The following UQCRH variants were observed in gnomAD, a reference collection of about 807,000 sequenced individuals.
UQCRH encodes cytochrome b-c1 complex subunit 6, mitochondrial.
Under a neutral mutation model 16.3 loss-of-function variants are expected in UQCRH, and 14 were observed. That is an observed-to-expected ratio of 0.86 (90% CI 0.57 to 1.34). The LOEUF (loss-of-function observed/expected upper bound fraction) is 1.34, where lower values mean the gene tolerates loss of function less well. UQCRH is among the 40% of genes most tolerant of loss of function. UQCRH has a pLI of 0.00. For synonymous variants in UQCRH, 41 were observed against 41.9 expected (o/e 0.98, Z 0.08); for missense variants, 89 against 111.9 (o/e 0.80, Z 0.92).
At chr1:46,311,818 C>T (rs1178724789) in intron 3 of UQCRH, among the ~76,000 whole-genome samples, 9 of 151,248 alleles carry the variant, frequency 6.0e-5, no homozygotes, top group African/African-American at 1.9e-4. Context: ...TTAGTAGAGA[C>T]GGGGTTTCAC....
Position 46,305,716 on chromosome 1 carries a change from A to C in UQCRH, c.54+1896A>C, listed in dbSNP as rs369070810. Among the ~76,000 whole-genome samples the C allele has an allele frequency of 4.0e-5, 6 of 150,316 alleles. No homozygotes were observed. In the East Asian group the frequency reaches 1.2e-3, roughly 30 times the overall value. On this transcript the variant is annotated intron_variant, in intron 1 of 3. Transcript: ENST00000311672. The stretch of plus-strand genomic sequence containing the variant: ...CAGTGAGCCAAGGTCGCGCCACTGC[A>C]CTCCAGCCTGGGCGACAGAGCGAGA...
chr1:46,316,072 C>G (rs893920386), intron 3 of UQCRH, among the ~76,000 whole-genome samples: 1 of 152,112 alleles, frequency 6.6e-6, no homozygotes, highest in African/African-American at 2.4e-5. Flanking sequence ...GCCCCGCCTC[C>G]CATTTATTTT....
intron 2 of UQCRH, 176 bp downstream of exon 2, chr1:46,309,303 T>G: frequency 1.4e-6 from 1 of 706,432 alleles, no homozygotes; most frequent in Non-Finnish European, 2.3e-6. Flanking sequence ...GGAAGCTGAG[T>G]CTGTTCTGGG....
intron 3 of UQCRH, among the ~76,000 whole-genome samples, chr1:46,314,791 TACCTAGAATAGCAGTC>T (rs1483166381): frequency 1.3e-5 from 2 of 152,010 alleles, no homozygotes; most frequent in African/African-American, 4.8e-5. Context: ...TTTGGTGAGG[TACCTAGAATAGCAGTC>T]ACATTCATAG....
At chr1:46,315,220 G>A (rs537851667) in intron 3 of UQCRH, among the ~76,000 whole-genome samples, 29 of 152,290 alleles carry the variant, frequency 1.9e-4, no homozygotes, top group African/African-American at 7.0e-4. Context: ...TGAGGCACGT[G>A]GATCACCTGA....
intron 3 of UQCRH, among the ~76,000 whole-genome samples, chr1:46,312,229 G>A (rs1260688271): frequency 1.3e-5 from 2 of 151,786 alleles, no homozygotes; most frequent in East Asian, 3.9e-4. Flanking sequence ...CCAAGTAACT[G>A]GGATTAAAGG....
chr1:46,313,410 T>C (rs1661517801), intron 3 of UQCRH, among the ~76,000 whole-genome samples: 1 of 151,602 alleles, frequency 6.6e-6, no homozygotes, highest in African/African-American at 2.4e-5. Context: ...GGGTGGATCA[T>C]GAGGTCAGGA....
chr1:46,316,266 T>C (rs1661581937), intron 3 of UQCRH, among the ~76,000 whole-genome samples: 1 of 152,192 alleles, frequency 6.6e-6, no homozygotes, highest in East Asian at 1.9e-4. Flanking sequence ...ATGTCACTGA[T>C]GGGGAGGTAC....
intron 1 of UQCRH, 89 bp from the exon 2 acceptor site, chr1:46,309,010 CAG>C: frequency 7.3e-7 from 1 of 1,377,510 alleles, no homozygotes; most frequent in East Asian, 2.3e-5. Context: ...TTAATAGTGT[CAG>C]TGTCTATCGT....
chr1:46,313,680 G>GATAGATAGAT (rs1557726186), intron 3 of UQCRH, among the ~76,000 whole-genome samples: 2 of 149,468 alleles, frequency 1.3e-5, no homozygotes. Flanking sequence ...TAGATAGATA[G>GATAGATAGAT]ATAGATATAG....
In UQCRH at chr1:46,303,739, C is replaced by T; in HGVS notation, c.-28C>T. The T allele has an allele frequency of 6.2e-7, 1 of 1,614,084 alleles. No individual in the cohort carries two copies. The highest frequency in any genetic ancestry group is 8.5e-7 in the Non-Finnish European group (1 of 1,179,972). Reference sequence around the variant, plus strand: ...TGGGTTAGGTGCCGCTGTTGCTGCTCGTGTTGAATCTAGAACCGTAGCCAG... The same window carrying T: ...TGGGTTAGGTGCCGCTGTTGCTGCTTGTGTTGAATCTAGAACCGTAGCCAG... On this transcript the variant is annotated 5_prime_UTR_variant, in exon 1 of 4. Transcript: ENST00000311672.
intron 1 of UQCRH, among the ~76,000 whole-genome samples, chr1:46,306,427 G>A (rs1213541740): frequency 1.4e-5 from 2 of 139,328 alleles, no homozygotes; most frequent in Non-Finnish European, 3.0e-5. Context: ...TTGCCTGGCT[G>A]GAGTACAGTG....
chr1:46,306,404 CG>C, intron 1 of UQCRH, among the ~76,000 whole-genome samples: 1 of 110,586 alleles, frequency 9.0e-6, no homozygotes, highest in African/African-American at 3.2e-5. Context: ...TTTTTTGTGA[CG>C]GAGTCTCGCT....
chr1:46,311,086 A>T (rs1463080397), intron 3 of UQCRH, among the ~76,000 whole-genome samples: 2 of 151,018 alleles, frequency 1.3e-5, no homozygotes, highest in Non-Finnish European at 2.9e-5. Flanking sequence ...AAAAAAAAAA[A>T]AAATAATAAT....
chr1:46,311,665 T>A (rs1398786197), intron 3 of UQCRH, among the ~76,000 whole-genome samples: 1 of 138,472 alleles, frequency 7.2e-6, no homozygotes, highest in South Asian at 2.6e-4. Context: ...CGATCTCGGC[T>A]CACTGCAAGC....
chr1:46,314,457 T>TGTC (rs1661541565), intron 3 of UQCRH, among the ~76,000 whole-genome samples: 1 of 151,650 alleles, frequency 6.6e-6, no homozygotes, highest in Non-Finnish European at 1.5e-5. Flanking sequence ...GATCACCTGC[T>TGTC]GTCCGGAGTT....
intron 1 of UQCRH, among the ~76,000 whole-genome samples, chr1:46,308,643 C>T (rs2148334028): frequency 6.6e-6 from 1 of 152,094 alleles, no homozygotes; most frequent in Non-Finnish European, 1.5e-5. Context: ...TTGAGAGCAG[C>T]CTGGGCAACA....
At chr1:46,311,928 C>CTTTTT (rs544962011) in intron 3 of UQCRH, among the ~76,000 whole-genome samples, 1 of 130,678 alleles carries the variant, frequency 7.7e-6, no homozygotes, top group African/African-American at 2.8e-5. Flanking sequence ...TGCACCCAGC[C>CTTTTT]TTTTTTTTTT....
rs750759688 is a variant in UQCRH at position 46,316,604 on chromosome 1, C to A, written c.*20C>A. 5.0e-6 allele frequency: 8 copies of A among 1,611,580 alleles called. No individual in the cohort carries two copies. The highest frequency in any genetic ancestry group is 2.2e-5 in the South Asian group (2 of 90,848). ...AAATAAATGTGTGGACTTAATTCAC[C>A]CCAGTCTTCATCATCTGGGCATCAG... is the stretch of plus-strand genomic sequence containing the variant. On this transcript the variant is annotated 3_prime_UTR_variant, in exon 4 of 4. Transcript: ENST00000311672.
Sources: allele counts gnomAD v4.1 joint callset (sites outside exome capture counted in the v4.1 genomes callset), GRCh38; gene constraint gnomAD v4.1.1; transcripts MANE v1.5; gene names NCBI Gene and HGNC (gene_info 2026-07-23, HGNC 2026-07-21).